The following KCNH1 variants were observed in gnomAD, a reference collection of about 807,000 sequenced individuals.
KCNH1 encodes the protein voltage-gated delayed rectifier potassium channel KCNH1.
In KCNH1, 27 loss-of-function variants were observed where a neutral mutation model predicts 69.2. The ratio of observed to expected loss-of-function variants is 0.39; its 90% CI spans 0.29 to 0.54. The LOEUF is 0.54. KCNH1 is among the 20% of genes least tolerant of loss of function. The pLI, the probability that KCNH1 is intolerant of heterozygous loss-of-function variation, is 0.68. For missense variants in KCNH1, 798 were observed against 1,261.6 expected (o/e 0.63, Z 5.57); for synonymous variants, 456 against 487.7 (o/e 0.93, Z 0.86).
At chr1:210,961,871 T>C (rs970233848) in intron 6 of KCNH1, among the ~76,000 whole-genome samples, 2 of 151,920 alleles carry the variant, frequency 1.3e-5, no homozygotes, top group South Asian at 2.1e-4. Flanking sequence ...AATACAGTTA[T>C]AATAATTGTT....
chr1:210,993,000 T>G (rs1571559155), intron 6 of KCNH1, among the ~76,000 whole-genome samples: 9 of 152,098 alleles, frequency 5.9e-5, no homozygotes, highest in Admixed American at 5.9e-4. Flanking sequence ...CTGAGGCAGG[T>G]CATGCTCTCA....
intron 1 of KCNH1, among the ~76,000 whole-genome samples, chr1:211,111,667 C>T (rs939544289): frequency 4.0e-5 from 6 of 149,850 alleles, no homozygotes; most frequent in African/African-American, 9.8e-5. Flanking sequence ...CTAACCTGGC[C>T]GCTGCACTGT....
chr1:211,050,260 TAAAAAAAAAA>T (rs747498526), intron 5 of KCNH1, among the ~76,000 whole-genome samples: 34 of 58,580 alleles, frequency 5.8e-4, no homozygotes, highest in South Asian at 1.5e-3. Context: ...CACACATTCT[TAAAAAAAAAA>T]AAAAAAAAAA....
chr1:211,090,458 G>T, intron 4 of KCNH1, 104 bp downstream of exon 4: 1 of 972,072 alleles, frequency 1.0e-6, no homozygotes, highest in Non-Finnish European at 1.5e-6. Context: ...AGAATCTTGA[G>T]GTTTGTAAAG....
intron 5 of KCNH1, among the ~76,000 whole-genome samples, chr1:211,056,111 G>C (rs184354822): frequency 1.2e-4 from 18 of 152,194 alleles, no homozygotes; most frequent in Non-Finnish European, 2.4e-4. Context: ...TGCCAAGAAG[G>C]CTCCTGGGAT....
At chr1:211,117,829 T>C (rs919572714) in intron 1 of KCNH1, among the ~76,000 whole-genome samples, 2 of 152,078 alleles carry the variant, frequency 1.3e-5, no homozygotes, top group African/African-American at 2.4e-5. Flanking sequence ...AATATGACTG[T>C]CTAAGTAATC....
chr1:210,906,361 G>T (rs575879948), intron 7 of KCNH1, among the ~76,000 whole-genome samples: 3 of 152,304 alleles, frequency 2.0e-5, no homozygotes, highest in East Asian at 3.9e-4. Context: ...TGCTGCTGGG[G>T]CAGATATCAC....
chr1:210,866,387 C>T (rs1194816918), intron 7 of KCNH1, among the ~76,000 whole-genome samples: 2 of 151,900 alleles, frequency 1.3e-5, no homozygotes, highest in African/African-American at 4.8e-5. Flanking sequence ...GATTTGTATC[C>T]AGAATATATT....
chr1:210,786,332 T>A (rs1193347838), intron 9 of KCNH1, among the ~76,000 whole-genome samples: 1 of 152,204 alleles, frequency 6.6e-6, no homozygotes, highest in Non-Finnish European at 1.5e-5. Context: ...TAATGGGCCA[T>A]AAAATATTAA....
At chr1:210,691,368 T>C (rs1468812130) in intron 10 of KCNH1, among the ~76,000 whole-genome samples, 1 of 152,184 alleles carries the variant, frequency 6.6e-6, no homozygotes, top group Non-Finnish European at 1.5e-5. Flanking sequence ...GTGTTAAATG[T>C]TGGACCTGTG....
At chr1:210,686,368 G>T (rs1489816143) in intron 10 of KCNH1, among the ~76,000 whole-genome samples, 1 of 152,164 alleles carries the variant, frequency 6.6e-6, no homozygotes, top group Non-Finnish European at 1.5e-5. Flanking sequence ...CTTCCAGAAA[G>T]TCTTCCCTGA....
chr1:210,866,881 A>G (rs1275421845), intron 7 of KCNH1, among the ~76,000 whole-genome samples: 3 of 152,012 alleles, frequency 2.0e-5, no homozygotes, highest in African/African-American at 7.2e-5. Context: ...CAACTGATGA[A>G]CAGATGAATT....
chr1:210,829,693 A>C (rs1315398980), intron 7 of KCNH1, among the ~76,000 whole-genome samples: 1 of 152,126 alleles, frequency 6.6e-6, no homozygotes, highest in African/African-American at 2.4e-5. Flanking sequence ...ACTGCTAACT[A>C]CATCTCTTTT....
chr1:211,018,077 T>G (rs1245114341), intron 6 of KCNH1, among the ~76,000 whole-genome samples: 1 of 152,134 alleles, frequency 6.6e-6, no homozygotes, highest in Non-Finnish European at 1.5e-5. Flanking sequence ...CCATCTGATC[T>G]CTGGACAAGC....
At chr1:210,915,197 A>C (rs1222121884) in intron 7 of KCNH1, among the ~76,000 whole-genome samples, 2 of 152,104 alleles carry the variant, frequency 1.3e-5, no homozygotes, top group African/African-American at 2.4e-5. Flanking sequence ...TGAAGAGTCC[A>C]TTTCTAGGCC....
At chr1:211,007,800 A>G (rs1171807749) in intron 6 of KCNH1, among the ~76,000 whole-genome samples, 2 of 152,220 alleles carry the variant, frequency 1.3e-5, no homozygotes, top group Non-Finnish European at 2.9e-5. Context: ...AACTAATAAA[A>G]TGATCTCAAA....
At chr1:210,979,977 G>A (rs1688680905) in intron 6 of KCNH1, among the ~76,000 whole-genome samples, 1 of 152,168 alleles carries the variant, frequency 6.6e-6, no homozygotes, top group African/African-American at 2.4e-5. Context: ...ACACCAAGAT[G>A]TTGTGGACAA....
chr1:210,902,730 G>A (rs144746387), intron 7 of KCNH1, among the ~76,000 whole-genome samples: 11 of 152,316 alleles, frequency 7.2e-5, no homozygotes, highest in African/African-American at 2.2e-4. Flanking sequence ...ACTGCCAAGA[G>A]CTATCCATCT....
chr1:210,798,993 A>C (rs1684378357), intron 8 of KCNH1, among the ~76,000 whole-genome samples: 1 of 152,170 alleles, frequency 6.6e-6, no homozygotes, highest in Admixed American at 6.5e-5. Flanking sequence ...GCAGCAAAAA[A>C]TAAAAATAAA....
Sources: allele counts gnomAD v4.1 joint callset (sites outside exome capture counted in the v4.1 genomes callset), GRCh38; gene constraint gnomAD v4.1.1; transcripts MANE v1.5; gene names NCBI Gene and HGNC (gene_info 2026-07-23, HGNC 2026-07-21).